The following MAGI3 variants were observed in gnomAD, a reference collection of about 807,000 sequenced individuals.
The protein encoded by MAGI3 is membrane-associated guanylate kinase, WW and PDZ domain-containing protein 3.
In MAGI3, 43 loss-of-function variants were observed where a neutral mutation model predicts 121.8. That is an observed-to-expected ratio of 0.35 (90% CI 0.28 to 0.46). MAGI3 has a LOEUF of 0.46. MAGI3 is among the 20% of genes least tolerant of loss of function. MAGI3 has a pLI of 1.00. For missense variants in MAGI3, 1,547 were observed against 1,797.3 expected (o/e 0.86, Z 2.52); for synonymous variants, 553 against 639.3 (o/e 0.86, Z 2.04).
Position 113,452,455 on chromosome 1 carries a change from T to TACACACAC in MAGI3, c.316+61133_316+61140dup, listed in dbSNP as rs4026203. Among the ~76,000 whole-genome samples, 429 of 147,210 alleles carry TACACACAC rather than the reference T, an allele frequency of 2.9e-3. 1 individual carries two copies. Among genetic ancestry groups the TACACACAC allele is most frequent in the Non-Finnish European group, 4.6e-3 (305 of 66,892 alleles). ...TTGGATTAACTTATGTGCATAGACATACACACACACACACACACACACACA... is the reference window on the plus strand; with the variant it reads ...TTGGATTAACTTATGTGCATAGACATACACACACACACACACACACACACACACACACA... On this transcript the variant is annotated intron_variant, in intron 1 of 20. Coordinates refer to ENST00000307546, the MANE Select transcript of MAGI3 (RefSeq NM_001142782.2).
intron 1 of MAGI3, among the ~76,000 whole-genome samples, chr1:113,464,300 T>C (rs1298912529): frequency 6.6e-6 from 1 of 152,154 alleles, no homozygotes; most frequent in East Asian, 1.9e-4. Flanking sequence ...ACCTCCCGTT[T>C]CATCCACATT....
At chr1:113,433,543 G>A (rs1653408989) in intron 1 of MAGI3, among the ~76,000 whole-genome samples, 3 of 152,086 alleles carry the variant, frequency 2.0e-5, no homozygotes, top group African/African-American at 7.2e-5. Context: ...CTCTCTCAAA[G>A]GAATTTAGAA....
At chr1:113,509,992 C>T (rs940613373) in intron 1 of MAGI3, among the ~76,000 whole-genome samples, 2 of 152,124 alleles carry the variant, frequency 1.3e-5, no homozygotes, top group Non-Finnish European at 2.9e-5. Context: ...TCGGATGGAC[C>T]TCAATTATCT....
At chr1:113,503,219 TAAAAAAAAAAAAAAAAAAAAAA>T (rs869272201) in intron 1 of MAGI3, among the ~76,000 whole-genome samples, 10 of 8,996 alleles carry the variant, frequency 1.1e-3, no homozygotes, top group South Asian at 5.0e-3. Context: ...AGAGTATAAT[TAAAAAAAAAAAAAAAAAAAAAA>T]AAAAAAAAAA....
At position 113,422,686 on chromosome 1, in the gene MAGI3, A is replaced by G. The variant is rs77311577; in HGVS notation, c.316+31337A>G. The stretch of plus-strand genomic sequence containing the variant: ...CTGCTGCGGGCACTAGTGTCTGGAT[A>G]AGGGAACGTGGTGGCGCCTGAAAGC... On this transcript the variant is annotated intron_variant, in intron 1 of 20. Transcript: ENST00000307546. The surrounding 1 kb of genome is among the most constrained non-coding windows in gnomAD (Gnocchi z 4.3). Among the ~76,000 whole-genome samples, 409 of 152,346 alleles carry G rather than the reference A, an allele frequency of 2.7e-3. 1 individual carries two copies. The highest frequency in any genetic ancestry group is 9.0e-3 in the African/African-American group (374 of 41,588).
intron 19 of MAGI3, among the ~76,000 whole-genome samples, chr1:113,680,664 G>A (rs1648163350): frequency 2.0e-5 from 3 of 152,122 alleles, no homozygotes; most frequent in Non-Finnish European, 4.4e-5. Context: ...GGCTGAGGTA[G>A]TAGAATGGCG....
At chr1:113,542,850 G>A (rs1410815999) in intron 1 of MAGI3, among the ~76,000 whole-genome samples, 1 of 152,146 alleles carries the variant, frequency 6.6e-6, no homozygotes, top group Non-Finnish European at 1.5e-5. Context: ...AATGTTTACA[G>A]TGTAGGCTCT....
intron 1 of MAGI3, among the ~76,000 whole-genome samples, chr1:113,534,766 T>G (rs892538554): frequency 6.6e-5 from 10 of 152,206 alleles, no homozygotes; most frequent in Non-Finnish European, 1.3e-4. Flanking sequence ...TTTTATTTAT[T>G]TTAAGGGAGA....
chr1:113,396,771 A>C (rs1324001544), intron 1 of MAGI3, among the ~76,000 whole-genome samples: 1 of 152,214 alleles, frequency 6.6e-6, no homozygotes, highest in Non-Finnish European at 1.5e-5. Context: ...AACATGAGTC[A>C]GAAATTGTGT....
In MAGI3 at chr1:113,684,083, CTT is replaced by C. The variant is rs141967702; in HGVS notation, c.*81_*82del. On this transcript the variant is annotated 3_prime_UTR_variant, in exon 21 of 21. Coordinates refer to ENST00000307546, the MANE Select transcript of MAGI3 (RefSeq NM_001142782.2). ...ACAGCAGCATTTTTCCAGAAAAAGCCTTTTTTTTTTTTTCAGATATTCTGAAA... is the reference window on the plus strand; with the variant it reads ...ACAGCAGCATTTTTCCAGAAAAAGCCTTTTTTTTTTTCAGATATTCTGAAA... 1,379 of 1,097,460 alleles carry C rather than the reference CTT, an allele frequency of 1.3e-3. No homozygotes were observed. The highest frequency in any genetic ancestry group is 2.0e-3 in the South Asian group (95 of 47,794). The allele number at this position is 1,097,460 out of a possible 1,614,324, so 68.0% of individuals were successfully genotyped here.
intron 1 of MAGI3, among the ~76,000 whole-genome samples, chr1:113,504,383 A>G (rs1657204989): frequency 6.6e-6 from 1 of 152,126 alleles, no homozygotes; most frequent in South Asian, 2.1e-4. Context: ...AGATAACCCA[A>G]TGGATAATGG....
chr1:113,432,141 T>C (rs1653331732), intron 1 of MAGI3, among the ~76,000 whole-genome samples: 1 of 152,212 alleles, frequency 6.6e-6, no homozygotes, highest in Non-Finnish European at 1.5e-5. Context: ...GTTATCTACA[T>C]GGGAAATAAT....
At chr1:113,494,341 G>A (rs895482919) in intron 1 of MAGI3, among the ~76,000 whole-genome samples, 11 of 152,110 alleles carry the variant, frequency 7.2e-5, no homozygotes, top group Middle Eastern at 3.4e-3. Flanking sequence ...AACAACACAC[G>A]CTGGGGACTA....
At chr1:113,513,242 C>T (rs1391984514) in intron 1 of MAGI3, among the ~76,000 whole-genome samples, 1 of 152,118 alleles carries the variant, frequency 6.6e-6, no homozygotes, top group African/African-American at 2.4e-5. Flanking sequence ...CATGAAGCTA[C>T]CAATGACTTT....
intron 6 of MAGI3, among the ~76,000 whole-genome samples, chr1:113,610,114 A>G (rs185238476): frequency 1.2e-4 from 18 of 152,142 alleles, no homozygotes; most frequent in Non-Finnish European, 2.4e-4. Context: ...ACAGCTTTAC[A>G]AAGCGTTTTT....
intron 9 of MAGI3, among the ~76,000 whole-genome samples, chr1:113,625,189 T>C (rs1353512881): frequency 6.6e-6 from 1 of 152,206 alleles, no homozygotes; most frequent in Non-Finnish European, 1.5e-5. Flanking sequence ...TCTTTTGTGG[T>C]TCCATATAAA....
intron 1 of MAGI3, among the ~76,000 whole-genome samples, chr1:113,480,804 G>T (rs1223019473): frequency 6.6e-6 from 1 of 152,064 alleles, no homozygotes; most frequent in Non-Finnish European, 1.5e-5. Flanking sequence ...TCTATGAGGG[G>T]ACAAGGGCTG....
Position 113,445,498 on chromosome 1 carries a change from A to G in MAGI3, c.316+54149A>G, listed in dbSNP as rs559568565. On this transcript the variant is annotated intron_variant, in intron 1 of 20. Coordinates refer to ENST00000307546, the MANE Select transcript of MAGI3 (RefSeq NM_001142782.2). ...TTGGCATGCACCTGTAGTCCCAGTT[A>G]CTCAGGATACTTGGGAGGCTGAGAT... 2.0e-5 allele frequency among the ~76,000 whole-genome samples: 3 copies of G among 152,224 alleles called. No homozygotes were observed. In the East Asian group the frequency reaches 5.8e-4, roughly 29 times the overall value.
At chr1:113,561,089 A>G (rs1660216298) in intron 2 of MAGI3, among the ~76,000 whole-genome samples, 1 of 152,212 alleles carries the variant, frequency 6.6e-6, no homozygotes, top group Non-Finnish European at 1.5e-5. Context: ...CCCTGAAGAG[A>G]CCAATAGCCA....
Sources: gnomAD v4.1 joint callset for allele counts (sites outside exome capture counted in the v4.1 genomes callset) on GRCh38, gnomAD v4.1.1 for gene constraint, Gnocchi (gnomAD v3.1) non-coding constraint, MANE v1.5 for transcripts, NCBI Gene and HGNC (gene_info 2026-07-23, HGNC 2026-07-21) for gene names.